Variants in ANOS1 observed in about 807,000 individuals in gnomAD.
ANOS1 encodes the protein anosmin-1.
In ANOS1, 6 loss-of-function variants were observed where a neutral mutation model predicts 59.0. That is an observed-to-expected ratio of 0.10 (90% confidence interval 0.06 to 0.20). The LOEUF (loss-of-function observed/expected upper bound fraction) is 0.20, where lower values mean the gene tolerates loss of function less well. Ranked by LOEUF, ANOS1 falls within the 10% of genes least tolerant of loss-of-function variation. ANOS1 has a pLI of 1.00. For synonymous variants in ANOS1, 217 were observed against 223.4 expected, an observed-to-expected ratio of 0.97 and a Z score of 0.25; for missense variants, 433 against 542.3, an observed-to-expected ratio of 0.80 and a Z score of 2.00.
At chrX:8,559,840 T>C (rs7053141) in intron 8 of ANOS1, among the ~76,000 whole-genome samples, 5,092 of 111,341 alleles carry the variant, frequency 0.046, 285 homozygotes, top group African/African-American at 0.16. Flanking sequence ...CAGTTTTAAG[T>C]AATTTTTTTC....
intron 2 of ANOS1, among the ~76,000 whole-genome samples, chrX:8,659,630 C>T (rs4265358): frequency 0.072 from 3,249 of 45,080 alleles, 181 homozygotes; most frequent in Admixed American, 0.19. Flanking sequence ...TCCTTCCTTC[C>T]TTCTTTCTTT....
At chrX:8,594,588 C>G (rs1930677074) in intron 4 of ANOS1, among the ~76,000 whole-genome samples, 1 of 93,564 alleles carries the variant, frequency 1.1e-5, no homozygotes, top group South Asian at 5.5e-4. Context: ...GCTCCCAGGA[C>G]ATGAAAACCA....
At chrX:8,659,616 TC>T (rs764448349) in intron 2 of ANOS1, among the ~76,000 whole-genome samples, 21,124 of 95,245 alleles carry the variant, frequency 0.22, 2,021 homozygotes, top group East Asian at 0.44. Flanking sequence ...CTTCCTTCCT[TC>T]CTTCCTTCCT....
intron 7 of ANOS1, among the ~76,000 whole-genome samples, chrX:8,570,220 A>ATCATT (rs1298487287): frequency 3.6e-5 from 4 of 111,184 alleles, no homozygotes; most frequent in Non-Finnish European, 7.5e-5. Context: ...TAAGATGGGG[A>ATCATT]TCATTTAAAC....
chrX:8,538,472 C>G (rs1459223872), intron 10 of ANOS1, among the ~76,000 whole-genome samples: 1 of 111,825 alleles, frequency 8.9e-6, no homozygotes, highest in African/African-American at 3.3e-5. Flanking sequence ...ATCTGCTCAG[C>G]AAATAGTTGT....
intron 2 of ANOS1, among the ~76,000 whole-genome samples, chrX:8,693,160 G>A (rs1258540231): frequency 2.7e-5 from 3 of 112,504 alleles, no homozygotes; most frequent in Non-Finnish European, 5.6e-5. Context: ...AAAATAGAAT[G>A]TAAGAATAAG....
chrX:8,707,096 C>A (rs1932784242), intron 1 of ANOS1, among the ~76,000 whole-genome samples: 1 of 111,479 alleles, frequency 9.0e-6, no homozygotes, highest in Non-Finnish European at 1.9e-5. Context: ...TGGACAAGTG[C>A]AAATTATGTG....
chrX:8,667,702 G>A (rs951913182), intron 2 of ANOS1, among the ~76,000 whole-genome samples: 1 of 111,301 alleles, frequency 9.0e-6, no homozygotes, highest in African/African-American at 3.3e-5. Context: ...TATGGGGGTT[G>A]CTTCTTAGAA....
At chrX:8,674,167 A>G (rs1263128383) in intron 2 of ANOS1, among the ~76,000 whole-genome samples, 1 of 112,081 alleles carries the variant, frequency 8.9e-6, no homozygotes, top group African/African-American at 3.2e-5. Context: ...TGACATAGAA[A>G]TAATCTGGGA....
chrX:8,555,133 G>C lies in ANOS1; in HGVS notation c.1208-1035C>G, dbSNP rs1471456720. 1.8e-5 allele frequency among the ~76,000 whole-genome samples: 2 copies of C among 111,174 alleles called. 1 individual carries two copies. Among genetic ancestry groups the C allele is most frequent in the South Asian group, 7.6e-4 (2 of 2,648 alleles). On this transcript the variant is annotated intron_variant, in intron 8 of 13. Transcript: ENST00000262648. ...ACAATATGCTCCTGAATGACTACTG[G>C]GTAAATAATGAAATTCAGGCAGAAA...
At chrX:8,710,970 C>T (rs144045638) in intron 1 of ANOS1, among the ~76,000 whole-genome samples, 1,882 of 112,041 alleles carry the variant, frequency 0.017, 40 homozygotes, top group African/African-American at 0.057. Context: ...AGGACCAAGA[C>T]GATGACACAA....
intron 3 of ANOS1, among the ~76,000 whole-genome samples, chrX:8,613,653 T>C (rs941851941): frequency 2.7e-5 from 3 of 110,432 alleles, no homozygotes; most frequent in African/African-American, 9.9e-5. Flanking sequence ...TTGTTGTTTG[T>C]TTTTTAAAAC....
intron 1 of ANOS1, among the ~76,000 whole-genome samples, chrX:8,702,548 G>A (rs939959537): frequency 1.8e-5 from 2 of 111,868 alleles, no homozygotes; most frequent in African/African-American, 6.5e-5. Context: ...TCAGCATGTT[G>A]CACGGTGTGT....
chrX:8,594,658 G>GTGTATATATATATATA (rs1555895592), intron 4 of ANOS1, among the ~76,000 whole-genome samples: 1 of 33,576 alleles, frequency 3.0e-5, no homozygotes, highest in Non-Finnish European at 4.8e-5. Context: ...ATATATATGT[G>GTGTATATATATATATA]TATATATATA....
At chrX:8,636,791 C>T (rs1931579995) in intron 2 of ANOS1, among the ~76,000 whole-genome samples, 2 of 111,966 alleles carry the variant, frequency 1.8e-5, no homozygotes, top group Non-Finnish European at 3.8e-5. Flanking sequence ...GCTTTGTCAA[C>T]ATGAAAGCTC....
At chrX:8,573,150 G>A (rs1411198306) in intron 6 of ANOS1, among the ~76,000 whole-genome samples, 2 of 102,216 alleles carry the variant, frequency 2.0e-5, no homozygotes, top group African/African-American at 7.4e-5. Context: ...ACCTCTGCCC[G>A]CCTGCCTAGT....
intron 3 of ANOS1, among the ~76,000 whole-genome samples, chrX:8,617,650 AG>A (rs1483476203): frequency 9.0e-6 from 1 of 110,690 alleles, no homozygotes; most frequent in African/African-American, 3.3e-5. Context: ...GCATGGTGGC[AG>A]GTGCCTGTAA....
At chrX:8,581,820 CATTCTT>C (rs1930430477) in intron 6 of ANOS1, among the ~76,000 whole-genome samples, 1 of 112,083 alleles carries the variant, frequency 8.9e-6, no homozygotes, top group Non-Finnish European at 1.9e-5. Context: ...TGCTCACTGA[CATTCTT>C]ATATTTACTG....
intron 2 of ANOS1, among the ~76,000 whole-genome samples, chrX:8,677,049 G>T (rs1932347682): frequency 8.9e-6 from 1 of 111,907 alleles, no homozygotes; most frequent in African/African-American, 3.2e-5. Context: ...TGACAGTGGG[G>T]AATACTCTAA....
Sources: allele counts gnomAD v4.1 joint callset (sites outside exome capture counted in the v4.1 genomes callset), GRCh38; gene constraint gnomAD v4.1.1; transcripts MANE v1.5; gene names NCBI Gene and HGNC (gene_info 2026-07-23, HGNC 2026-07-21).